XNDC1N: variants seen among roughly 807,000 people sequenced by gnomAD.
XNDC1N encodes the protein protein XNDC1N.
chr11:71,887,639 C>G, the XNDC1N span, among the ~76,000 whole-genome samples: 1 of 152,200 alleles, frequency 6.6e-6, no homozygotes, highest in African/African-American at 2.4e-5. Flanking sequence ...TCAAGGTATC[C>G]AGGTCCATCT....
chr11:71,917,970 G>A, the XNDC1N span, among the ~76,000 whole-genome samples: 1 of 152,172 alleles, frequency 6.6e-6, no homozygotes, highest in African/African-American at 2.4e-5. Flanking sequence ...AATGTCACAC[G>A]TTCACCATGT....
At chr11:71,907,806 T>C in the XNDC1N span, among the ~76,000 whole-genome samples, 3 of 152,134 alleles carry the variant, frequency 2.0e-5, no homozygotes, top group Non-Finnish European at 4.4e-5. Flanking sequence ...GGTGTCCACT[T>C]TCTGCCATAT....
At chr11:71,883,811 G>A in the XNDC1N span, among the ~76,000 whole-genome samples, 1 of 152,168 alleles carries the variant, frequency 6.6e-6, no homozygotes, top group Non-Finnish European at 1.5e-5. Context: ...CAGTAAAGGA[G>A]ACATGGCCTT....
At chr11:71,903,999 A>G in the XNDC1N span, 1 of 520,794 alleles carries the variant, frequency 1.9e-6, no homozygotes, top group Non-Finnish European at 3.8e-6. Context: ...CTTCCCCGAG[A>G]AAGCGTGCAG....
the XNDC1N span, among the ~76,000 whole-genome samples, chr11:71,869,519 C>T: frequency 5.9e-3 from 905 of 152,322 alleles, 34 homozygotes; most frequent in Admixed American, 0.054. Context: ...CATACGTCTG[C>T]ATCAGCATGG....
At chr11:71,897,222 T>C in the XNDC1N span, among the ~76,000 whole-genome samples, 1 of 152,202 alleles carries the variant, frequency 6.6e-6, no homozygotes, top group African/African-American at 2.4e-5. Context: ...GAAAATTAGA[T>C]TCCTTGGATT....
the XNDC1N span, among the ~76,000 whole-genome samples, chr11:71,898,331 T>G: frequency 1.3e-5 from 2 of 151,878 alleles, no homozygotes; most frequent in African/African-American, 4.8e-5. Flanking sequence ...ACATGCCCAG[T>G]CTCAGTGGCT....
At chr11:71,911,993 G>T in the XNDC1N span, among the ~76,000 whole-genome samples, 1 of 152,222 alleles carries the variant, frequency 6.6e-6, no homozygotes, top group Non-Finnish European at 1.5e-5. Flanking sequence ...TCGGTTAGCA[G>T]ATGGGAGAGT....
At chr11:71,871,528 T>C in the XNDC1N span, among the ~76,000 whole-genome samples, 25 of 152,204 alleles carry the variant, frequency 1.6e-4, no homozygotes, top group Non-Finnish European at 3.2e-4. Context: ...ATTTCAACCA[T>C]TCTCAAGACA....
the XNDC1N span, among the ~76,000 whole-genome samples, chr11:71,891,579 G>A: frequency 6.6e-6 from 1 of 152,088 alleles, no homozygotes; most frequent in Admixed American, 6.5e-5. Flanking sequence ...ATACCACACC[G>A]CGGGTATACG....
At chr11:71,893,473 C>T in the XNDC1N span, 60 of 734,712 alleles carry the variant, frequency 8.2e-5, no homozygotes, top group African/African-American at 8.5e-4. Flanking sequence ...CACAGAGCCA[C>T]GGAATCTCAC....
the XNDC1N span, among the ~76,000 whole-genome samples, chr11:71,874,855 T>C: frequency 1.3e-5 from 2 of 152,230 alleles, no homozygotes; most frequent in East Asian, 3.8e-4. Flanking sequence ...TTTTCTCTTA[T>C]TTTGCTAGTT....
the XNDC1N span, among the ~76,000 whole-genome samples, chr11:71,899,057 C>A: frequency 3.9e-5 from 6 of 152,190 alleles, no homozygotes; most frequent in African/African-American, 1.4e-4. Flanking sequence ...TGGACACTCA[C>A]TTTTCTCTTC....
At chr11:71,883,927 CA>C in the XNDC1N span, among the ~76,000 whole-genome samples, 2 of 152,122 alleles carry the variant, frequency 1.3e-5, no homozygotes. Context: ...GAGAAGCAAC[CA>C]AAGATAGCTT....
the XNDC1N span, among the ~76,000 whole-genome samples, chr11:71,891,440 G>A: frequency 6.6e-6 from 1 of 151,752 alleles, no homozygotes; most frequent in Non-Finnish European, 1.5e-5. Flanking sequence ...TGTGTACTCC[G>A]CCTGCGATTT....
chr11:71,869,455 A>T, the XNDC1N span, among the ~76,000 whole-genome samples: 1 of 152,246 alleles, frequency 6.6e-6, no homozygotes, highest in African/African-American at 2.4e-5. Context: ...TCTATCACTG[A>T]TGGGCATTTG....
chr11:71,870,650 A>G, the XNDC1N span, among the ~76,000 whole-genome samples: 1 of 152,234 alleles, frequency 6.6e-6, no homozygotes, highest in East Asian at 1.9e-4. Context: ...AGGGGTTAAT[A>G]GACAAAATTT....
the XNDC1N span, among the ~76,000 whole-genome samples, chr11:71,894,886 T>C: frequency 6.6e-6 from 1 of 152,258 alleles, no homozygotes; most frequent in Non-Finnish European, 1.5e-5. Flanking sequence ...TCAAAGATGT[T>C]AAGTGAGGAC....
the XNDC1N span, among the ~76,000 whole-genome samples, chr11:71,867,419 C>A: frequency 6.6e-6 from 1 of 152,168 alleles, no homozygotes; most frequent in Non-Finnish European, 1.5e-5. Context: ...AGAAGGCAGG[C>A]CCATGCCCCT....
Sources: gnomAD v4.1 joint callset for allele counts (sites outside exome capture counted in the v4.1 genomes callset) on GRCh38, gnomAD v4.1.1 for gene constraint, MANE v1.5 for transcripts, NCBI Gene and HGNC (gene_info 2026-07-23, HGNC 2026-07-21) for gene names.